ACAD10: variants seen among roughly 807,000 people sequenced by gnomAD.
The protein encoded by ACAD10 is acyl-CoA dehydrogenase family member 10, also known as ACAD-10.
Under a neutral mutation model 116.8 loss-of-function variants are expected in ACAD10, and 112 were observed. The observed-to-expected ratio is 0.96, with a 90% CI of 0.82 to 1.12. The LOEUF is 1.12. Among genes scored for constraint, ACAD10 ranks in the 50% most tolerant of loss-of-function variants. The probability of loss-of-function intolerance (pLI) is 0.00; values close to 1 mark genes in which losing one functional copy is unlikely to be tolerated. For missense variants in ACAD10, 1,259 were observed against 1,350.2 expected (o/e 0.93, Z 1.06); for synonymous variants, 486 against 510.6 (o/e 0.95, Z 0.65).
chr12:111,721,356 T>A (rs1223567076), intron 7 of ACAD10, among the ~76,000 whole-genome samples: 1 of 152,124 alleles, frequency 6.6e-6, no homozygotes, highest in Non-Finnish European at 1.5e-5. Flanking sequence ...TCACCTGAGG[T>A]CAGGAATTTG....
At chr12:111,746,063 A>G in intron 13 of ACAD10, 81 bp from the exon 14 acceptor site, 1 of 1,542,614 alleles carries the variant, frequency 6.5e-7, no homozygotes, top group Non-Finnish European at 8.7e-7. Context: ...TGTTTCCTCC[A>G]ATCCCTTTCA....
chr12:111,749,012 C>CT (rs1424302695), intron 17 of ACAD10, 161 bp from the exon 18 acceptor site: 3 of 1,612,298 alleles, frequency 1.9e-6, no homozygotes, highest in Non-Finnish European at 2.5e-6. Flanking sequence ...GTTTAACAGG[C>CT]TGTTTCCTGC....
At chr12:111,737,856 G>C (rs753684306) in intron 12 of ACAD10, among the ~76,000 whole-genome samples, 1 of 151,954 alleles carries the variant, frequency 6.6e-6, no homozygotes, top group Admixed American at 6.6e-5. Flanking sequence ...GTGTGTGTGT[G>C]TGTGTGTGTG....
chr12:111,712,536 T>C lies in ACAD10; in HGVS notation c.729T>C (p.Ala243=). ...DPETAVKELE[A]LLGFTLRVGV... is the part of the protein sequence containing the mutation. The stretch of plus-strand genomic sequence containing the variant: ...AGACTGCAGTAAAGGAATTAGAAGC[T>C]CTCTTGGGTTTTACATTGAGAGTAG... The change falls in exon 6 of 21, where the codon GCT becomes GCC. Residue 243 remains alanine, a synonymous_variant. Transcript: ENST00000313698. The C allele has an allele frequency of 6.2e-7, 1 of 1,614,080 alleles. No individual in the cohort carries two copies. The highest frequency in any genetic ancestry group is 2.2e-5 in the East Asian group (1 of 44,884).
At position 111,705,751 on chromosome 12, in the gene ACAD10, TG is replaced by T. The variant is rs747915313; in HGVS notation, c.351del (p.Pro118LeufsTer9). 3.1e-6 allele frequency: 5 copies of T among 1,614,158 alleles called. No individual in the cohort carries two copies. In the Admixed American group the frequency reaches 8.3e-5, roughly 27 times the overall value. ...RLCSEMLKTS[V>X]PVDSFFSLLT... ...TCCTGTTCTTAGTTAAAGACCTCCGTGCCTGTGGACTCATTTTTCTCTCTGT... is the reference window on the plus strand; with the variant it reads ...TCCTGTTCTTAGTTAAAGACCTCCGTCCTGTGGACTCATTTTTCTCTCTGT... On this transcript the variant is annotated frameshift_variant, in exon 4 of 21. Transcript: ENST00000313698. LOFTEE classifies it high-confidence loss of function.
At chr12:111,713,642 G>GA (rs962774673) in intron 6 of ACAD10, among the ~76,000 whole-genome samples, 25 of 136,964 alleles carry the variant, frequency 1.8e-4, no homozygotes, top group South Asian at 7.0e-4. Flanking sequence ...AAAAGGAAAA[G>GA]AAAAAAAAAA....
chr12:111,723,258 T>A (rs1240264529), intron 8 of ACAD10, among the ~76,000 whole-genome samples: 1 of 106,430 alleles, frequency 9.4e-6, no homozygotes. Context: ...CACTTCCCAG[T>A]AGGGGCGGCC....
intron 14 of ACAD10, 50 bp downstream of exon 14, chr12:111,746,334 TA>T (rs763124237): frequency 6.3e-7 from 1 of 1,575,850 alleles, no homozygotes; most frequent in Non-Finnish European, 8.6e-7. Flanking sequence ...CTGATCTTCA[TA>T]AGAACTCAAT....
chr12:111,722,609 A>G (rs1386197443), intron 8 of ACAD10, among the ~76,000 whole-genome samples: 1 of 151,744 alleles, frequency 6.6e-6, no homozygotes, highest in Non-Finnish European at 1.5e-5. Context: ...GCTGCCTTCA[A>G]GCTTCTGTTT....
rs754516358 is a variant in ACAD10 at position 111,744,743 on chromosome 12, CAA to C, written c.1817_1818del (p.Lys606ArgfsTer31). The C allele has an allele frequency of 6.0e-5, 97 of 1,614,098 alleles. 1 individual carries two copies. The highest frequency in any genetic ancestry group is 7.6e-5 in the Non-Finnish European group (90 of 1,180,050). On this transcript the variant is annotated frameshift_variant, in exon 13 of 21. Coordinates refer to ENST00000313698, the MANE Select transcript of ACAD10 (RefSeq NM_025247.6). LOFTEE classifies it high-confidence loss of function. The part of the protein sequence containing the change: ...FAVKEGFRVF[K>X]EMPFTNPLTR... The stretch of plus-strand genomic sequence containing the variant: ...CAGTCAAAGAAGGGTTCCGGGTTTT[CAA>C]AGAGATGCCCTTCACAAATCCGTTA...
chr12:111,715,873 C>T lies in ACAD10; in HGVS notation c.903C>T (p.Tyr301=). ...ACGGGCAGTCAAATCCAACTTACTA[C>T]ATCAGGCTGGCTAATCGTGATCTAG... ...FDHGQSNPTY[Y]IRLANRDLVL... Residue 301 remains tyrosine, a synonymous_variant, in exon 7 of 21, where the codon TAC becomes TAT. Transcript: ENST00000313698. The T allele has an allele frequency of 1.2e-6, 2 of 1,614,162 alleles. No individual in the cohort carries two copies. The highest frequency in any genetic ancestry group is 1.7e-5 in the Admixed American group (1 of 60,020).
chr12:111,698,297 C>CT lies in ACAD10; in HGVS notation c.188-3848dup, dbSNP rs1253211670. Among the ~76,000 whole-genome samples the CT allele has an allele frequency of 6.8e-3, 818 of 119,746 alleles. 7 individuals are homozygous for CT. The highest frequency in any genetic ancestry group is 0.018 in the African/African-American group (580 of 32,282). 78.6% of individuals were successfully genotyped at this position (119,746 alleles called of 152,430 possible). A position where few individuals can be genotyped will look rare whatever the true frequency, so the allele number is the denominator to read the frequency against. On this transcript the variant is annotated intron_variant, in intron 2 of 20. Coordinates refer to ENST00000313698, the MANE Select transcript of ACAD10 (RefSeq NM_025247.6). ...ATAGGCACAAGCCACTGCATCTGGC[C>CT]TTTTTTTTTTTTTTTTTCAGAGAGC...
chr12:111,732,950 G>T (rs975835819), intron 10 of ACAD10, among the ~76,000 whole-genome samples: 8 of 152,234 alleles, frequency 5.3e-5, no homozygotes, highest in Admixed American at 3.9e-4. Context: ...CGGCTGTCGG[G>T]TGGGGCTGGA....
intron 8 of ACAD10, among the ~76,000 whole-genome samples, chr12:111,724,665 G>T (rs1182861016): frequency 6.6e-6 from 1 of 151,938 alleles, no homozygotes; most frequent in Non-Finnish European, 1.5e-5. Flanking sequence ...GTGGCGGCGC[G>T]TGCCTGCAAT....
chr12:111,707,263 G>GT lies in ACAD10; in HGVS notation c.531+1337dup, dbSNP rs1888540007. Among the ~76,000 whole-genome samples, 3 of 149,960 alleles carry GT rather than the reference G, an allele frequency of 2.0e-5. No homozygotes were observed. In the Admixed American group the frequency reaches 2.0e-4, roughly 10 times the overall value. On this transcript the variant is annotated intron_variant, in intron 4 of 20. Transcript: ENST00000313698. ...GCCACCACGCCTGGCTAGTTTTTGT[G>GT]TTTTTTATGAATATTAGAGACTGGG... is the stretch of plus-strand genomic sequence containing the variant.
At chr12:111,714,479 A>G (rs1046766909) in intron 6 of ACAD10, among the ~76,000 whole-genome samples, 2 of 151,526 alleles carry the variant, frequency 1.3e-5, no homozygotes, top group African/African-American at 2.4e-5. Context: ...AGCCTGGTCA[A>G]CATGGCGAAA....
rs150029917 is a variant in ACAD10, at chr12:111,751,857, G to T, written c.2818-1915G>T. Among the ~76,000 whole-genome samples, 53 of 150,676 alleles carry T rather than the reference G, an allele frequency of 3.5e-4. No individual in the cohort carries two copies. In the East Asian group the frequency reaches 1.0e-2, roughly 28 times the overall value. ...GCAGATCACCTGAGGTCGGGAGTTC[G>T]AGTCCAGCCTGACCAACATAGAGAA... On this transcript the variant is annotated intron_variant, in intron 18 of 20. Transcript: ENST00000313698.
intron 13 of ACAD10, 36 bp from the exon 14 acceptor site, chr12:111,746,108 C>G (rs2135989154): frequency 6.3e-7 from 1 of 1,599,052 alleles, no homozygotes; most frequent in Non-Finnish European, 8.5e-7. Context: ...ATGAAATCTT[C>G]CACTGTGGTT....
intron 2 of ACAD10, among the ~76,000 whole-genome samples, chr12:111,697,424 G>A (rs544232065): frequency 2.1e-5 from 3 of 145,506 alleles, no homozygotes; most frequent in Non-Finnish European, 4.5e-5. Flanking sequence ...GCAGTGGCGT[G>A]ATCTTGGCTC....
Sources: allele counts gnomAD v4.1 joint callset (sites outside exome capture counted in the v4.1 genomes callset), GRCh38; gene constraint gnomAD v4.1.1; transcripts MANE v1.5; gene names NCBI Gene and HGNC (gene_info 2026-07-23, HGNC 2026-07-21).